PLCB4: variants seen among roughly 807,000 people sequenced by gnomAD.
PLCB4 encodes the protein 1-phosphatidylinositol 4,5-bisphosphate phosphodiesterase beta-4.
Under a neutral mutation model 178.8 loss-of-function variants are expected in PLCB4, and 77 were observed. The observed-to-expected ratio is 0.43, with a 90% CI of 0.36 to 0.52. The LOEUF is 0.52. Among genes scored for constraint, PLCB4 ranks in the 20% least tolerant of loss-of-function variants. The pLI is 0.00. For synonymous variants in PLCB4, 496 were observed against 490.8 expected (o/e 1.01, Z -0.14); for missense variants, 1,024 against 1,453.4 (o/e 0.70, Z 4.80).
chr20:9,109,361 G>T (rs1425044233), intron 2 of PLCB4, among the ~76,000 whole-genome samples: 2 of 151,956 alleles, frequency 1.3e-5, no homozygotes, highest in Non-Finnish European at 2.9e-5. Context: ...CTTTAAAATA[G>T]AATTTTAGCA....
chr20:9,285,050 T>C lies in PLCB4; in HGVS notation c.-15-22750T>C, dbSNP rs144744479. On this transcript the variant is annotated intron_variant, in intron 3 of 39. Coordinates refer to ENST00000378473, the MANE Select transcript of PLCB4 (RefSeq NM_001377142.1). ...ATAAAACATCCTGCATGAAGATATG[T>C]TATTTTTACAAACTCATTTTCTGCA... Among the ~76,000 whole-genome samples, 524 of 151,966 alleles carry C rather than the reference T, an allele frequency of 3.4e-3. 3 individuals are homozygous for C. Among genetic ancestry groups the C allele is most frequent in the African/African-American group, 0.012 (510 of 41,474 alleles).
intron 19 of PLCB4, among the ~76,000 whole-genome samples, chr20:9,396,424 T>A (rs903763822): frequency 1.3e-5 from 2 of 152,140 alleles, no homozygotes; most frequent in Non-Finnish European, 2.9e-5. Context: ...GAATTATCTC[T>A]GTGTAGCTAG....
At chr20:9,439,268 A>C (rs1363333075) in intron 30 of PLCB4, among the ~76,000 whole-genome samples, 4 of 152,182 alleles carry the variant, frequency 2.6e-5, no homozygotes, top group Non-Finnish European at 1.5e-5. Context: ...GGATGACCTT[A>C]TGCACACATC....
intron 8 of PLCB4, 128 bp from the exon 9 acceptor site, chr20:9,365,333 C>A: frequency 1.6e-6 from 1 of 621,208 alleles, no homozygotes; most frequent in Non-Finnish European, 2.9e-6. Flanking sequence ...CATCTTATAG[C>A]ACATAATTGT....
intron 2 of PLCB4, among the ~76,000 whole-genome samples, chr20:9,208,727 G>A (rs1311541310): frequency 2.0e-5 from 3 of 152,000 alleles, no homozygotes; most frequent in Non-Finnish European, 4.4e-5. Flanking sequence ...TTTGTGTAGA[G>A]ATGGAGTCTC....
chr20:9,245,381 A>C (rs911264552), intron 3 of PLCB4, among the ~76,000 whole-genome samples: 3 of 152,144 alleles, frequency 2.0e-5, no homozygotes, highest in Admixed American at 1.3e-4. Flanking sequence ...AAATCCCTGG[A>C]ATCTGTGAAT....
At chr20:9,463,970 A>C (rs2043587652) in intron 35 of PLCB4, among the ~76,000 whole-genome samples, 1 of 152,182 alleles carries the variant, frequency 6.6e-6, no homozygotes, top group Non-Finnish European at 1.5e-5. Context: ...AATCAACAGA[A>C]TATACATTCT....
At chr20:9,372,910 G>A in intron 11 of PLCB4, 137 bp from the exon 12 acceptor site, 1 of 502,192 alleles carries the variant, frequency 2.0e-6, no homozygotes, top group Non-Finnish European at 3.5e-6. Context: ...ACAGTCTCTG[G>A]CCATTTTAAG....
At chr20:9,113,987 G>A (rs898704410) in intron 2 of PLCB4, among the ~76,000 whole-genome samples, 2 of 152,172 alleles carry the variant, frequency 1.3e-5, no homozygotes, top group Non-Finnish European at 2.9e-5. Flanking sequence ...GCTGAGGGGG[G>A]CGGATCACTT....
intron 2 of PLCB4, among the ~76,000 whole-genome samples, chr20:9,147,675 C>A (rs1335473362): frequency 1.3e-5 from 2 of 152,214 alleles, no homozygotes; most frequent in Middle Eastern, 3.4e-3. Flanking sequence ...CTAGACCTAG[C>A]ATATACTCCT....
chr20:9,308,890 A>G lies in PLCB4; in HGVS notation c.84+992A>G, dbSNP rs113772931. On this transcript the variant is annotated intron_variant, in intron 4 of 39. Transcript: ENST00000378473. ...AAGTAATAGCTGTTCATATGTCTGA[A>G]ATTAAAATAACAGTGAACTGCATTC... 2.6e-3 allele frequency among the ~76,000 whole-genome samples: 393 copies of G among 152,334 alleles called. 5 individuals are homozygous for G. Among genetic ancestry groups the G allele is most frequent in the African/African-American group, 8.8e-3 (366 of 41,580 alleles).
intron 1 of PLCB4, among the ~76,000 whole-genome samples, chr20:9,070,058 G>T (rs1260282032): frequency 6.6e-6 from 1 of 151,948 alleles, no homozygotes; most frequent in East Asian, 1.9e-4. Flanking sequence ...AATACTTAGT[G>T]GTCTATATAT....
At chr20:9,244,573 G>A (rs1185191795) in intron 3 of PLCB4, among the ~76,000 whole-genome samples, 1 of 152,172 alleles carries the variant, frequency 6.6e-6, no homozygotes, top group East Asian at 1.9e-4. Context: ...ACGTGTGATT[G>A]AAGTGTCAAA....
intron 29 of PLCB4, 46 bp from the exon 30 acceptor site, chr20:9,436,956 C>G: frequency 6.3e-7 from 1 of 1,580,714 alleles, no homozygotes; most frequent in Non-Finnish European, 8.7e-7. Context: ...AGATATTTGA[C>G]CTTGAGTGAC....
intron 30 of PLCB4, among the ~76,000 whole-genome samples, chr20:9,438,396 T>G (rs560803099): frequency 8.2e-5 from 12 of 146,150 alleles, no homozygotes; most frequent in African/African-American, 2.3e-4. Flanking sequence ...AAGAAAGAAA[T>G]AAGTTGGCAG....
At chr20:9,111,650 C>T (rs969169291) in intron 2 of PLCB4, among the ~76,000 whole-genome samples, 1 of 152,170 alleles carries the variant, frequency 6.6e-6, no homozygotes, top group South Asian at 2.1e-4. Context: ...AAAGCCACTG[C>T]TAATTTGTTT....
At chr20:9,448,780 A>C (rs919971250) in intron 32 of PLCB4, among the ~76,000 whole-genome samples, 1 of 152,216 alleles carries the variant, frequency 6.6e-6, no homozygotes, top group Non-Finnish European at 1.5e-5. Flanking sequence ...GAAGCAGAGA[A>C]TCTATGAACT....
chr20:9,145,655 A>G (rs1274533601), intron 2 of PLCB4, among the ~76,000 whole-genome samples: 1 of 152,036 alleles, frequency 6.6e-6, no homozygotes, highest in Non-Finnish European at 1.5e-5. Context: ...CGTTCATTTC[A>G]TCTTCCATCT....
intron 2 of PLCB4, among the ~76,000 whole-genome samples, chr20:9,134,942 T>A (rs1464398539): frequency 6.6e-6 from 1 of 152,142 alleles, no homozygotes; most frequent in Non-Finnish European, 1.5e-5. Flanking sequence ...AAATTTGGGA[T>A]CCAATGACTT....
Sources: gnomAD v4.1 joint callset for allele counts (sites outside exome capture counted in the v4.1 genomes callset) on GRCh38, gnomAD v4.1.1 for gene constraint, MANE v1.5 for transcripts, NCBI Gene and HGNC (gene_info 2026-07-23, HGNC 2026-07-21) for gene names.